OPHN1: variants seen among roughly 807,000 people sequenced by gnomAD.
OPHN1 encodes oligophrenin-1.
OPHN1 carries 11 observed loss-of-function variants against 60.7 expected under a neutral mutation model. The observed-to-expected ratio is 0.18, with a 90% CI of 0.11 to 0.30. OPHN1 has a LOEUF of 0.30. OPHN1 is among the 10% of genes least tolerant of loss of function. The pLI, the probability that OPHN1 is intolerant of heterozygous loss-of-function variation, is 1.00. For synonymous variants in OPHN1, 226 were observed against 222.6 expected, an observed-to-expected ratio of 1.02 and a Z score of -0.14; for missense variants, 449 against 611.0, an observed-to-expected ratio of 0.73 and a Z score of 2.80.
intron 2 of OPHN1, among the ~76,000 whole-genome samples, chrX:68,353,598 G>A (rs1288130546): frequency 2.7e-5 from 3 of 109,974 alleles, no homozygotes; most frequent in African/African-American, 6.6e-5. Flanking sequence ...AATAAATAAC[G>A]TGTAAAAAGT....
intron 15 of OPHN1, among the ~76,000 whole-genome samples, chrX:68,187,591 A>C (rs1218699727): frequency 9.1e-6 from 1 of 109,852 alleles, no homozygotes; most frequent in Non-Finnish European, 1.9e-5. Context: ...CCAGAACTAT[A>C]AGAGGATAAA....
intron 5 of OPHN1, among the ~76,000 whole-genome samples, chrX:68,235,837 G>A (rs1400370530): frequency 9.1e-6 from 1 of 109,785 alleles, no homozygotes. Flanking sequence ...CAGCCTAGGT[G>A]AGAGAGCAAG....
intron 15 of OPHN1, among the ~76,000 whole-genome samples, chrX:68,147,221 T>C (rs183348682): frequency 9.0e-6 from 1 of 111,508 alleles, no homozygotes; most frequent in Admixed American, 9.6e-5. Flanking sequence ...AGAAAGGATG[T>C]CATTCAAGGA....
At chrX:68,139,136 G>GA (rs772185913) in intron 15 of OPHN1, among the ~76,000 whole-genome samples, 2 of 110,546 alleles carry the variant, frequency 1.8e-5, no homozygotes, top group African/African-American at 3.3e-5. Context: ...ACAAATAAAT[G>GA]AAAAAAAAGT....
intron 2 of OPHN1, among the ~76,000 whole-genome samples, chrX:68,362,478 G>T (rs1253399058): frequency 8.9e-6 from 1 of 111,817 alleles, no homozygotes; most frequent in Admixed American, 9.6e-5. Flanking sequence ...ACAATGTCTT[G>T]TATACATGAA....
At chrX:68,220,461 T>G (rs1470899633) in intron 6 of OPHN1, among the ~76,000 whole-genome samples, 12 of 109,875 alleles carry the variant, frequency 1.1e-4, no homozygotes, top group Non-Finnish European at 2.3e-4. Flanking sequence ...TACCAAAGCC[T>G]GGCAGAGACA....
At chrX:68,072,043 G>C (rs2076936958) in intron 20 of OPHN1, among the ~76,000 whole-genome samples, 1 of 111,641 alleles carries the variant, frequency 9.0e-6, no homozygotes, top group Admixed American at 9.6e-5. Context: ...TCAATATGAA[G>C]GAAAAAGGGA....
In OPHN1 at chrX:68,046,224, C is replaced by G. The variant is rs925569623; in HGVS notation, c.*948G>C. 3.6e-5 allele frequency: 4 copies of G among 111,769 alleles called. No individual in the cohort carries two copies. The Admixed American group carries it at 3.8e-4, about 11-fold the overall frequency. 9.2% of individuals were successfully genotyped at this position (111,769 alleles called of 1,213,427 possible). A position where few individuals can be genotyped will look rare whatever the true frequency, so the allele number is the denominator to read the frequency against. On this transcript the variant is annotated 3_prime_UTR_variant, in exon 25 of 25. Transcript: ENST00000355520. ...ACACTGGGTTAAGAACTGCTTTTTT[C>G]AGGAGATAAAAGAGTTTATGTGCAG...
rs1031003416 is a variant in OPHN1 at position 68,212,299 on chromosome X, T to C, written c.598-87A>G. On this transcript the variant is annotated intron_variant, in intron 7 of 24. Coordinates refer to ENST00000355520, the MANE Select transcript of OPHN1 (RefSeq NM_002547.3). ...AACATGAACTCACCAAAAAACTCCA[T>C]GGTGTGGCTGGGTGTGGTGGCTTAT... 1.1e-5 allele frequency: 7 copies of C among 660,080 alleles called. No homozygotes were observed. In the African/African-American group the frequency reaches 1.3e-4, roughly 12 times the overall value. The allele number at this position is 660,080 out of a possible 1,213,427, so 54.4% of individuals were successfully genotyped here. A position where few individuals can be genotyped will look rare whatever the true frequency, so the allele number is the denominator to read the frequency against.
intron 2 of OPHN1, among the ~76,000 whole-genome samples, chrX:68,305,566 G>C (rs760928358): frequency 8.9e-6 from 1 of 112,426 alleles, no homozygotes; most frequent in Non-Finnish European, 1.9e-5. Flanking sequence ...GCACAAGCAG[G>C]AAGAGAAACA....
chrX:68,271,866 G>T (rs1205865497), intron 5 of OPHN1, among the ~76,000 whole-genome samples: 2 of 110,268 alleles, frequency 1.8e-5, no homozygotes, highest in African/African-American at 6.6e-5. Flanking sequence ...GAAGGAAGCT[G>T]AGGGACAGCA....
chrX:68,430,085 G>T (rs2078878445), intron 2 of OPHN1, among the ~76,000 whole-genome samples: 1 of 111,679 alleles, frequency 9.0e-6, no homozygotes, highest in African/African-American at 3.3e-5. Flanking sequence ...CCAAGATGGA[G>T]AAGCCAAGAA....
intron 6 of OPHN1, among the ~76,000 whole-genome samples, chrX:68,222,371 C>T (rs1169239257): frequency 3.7e-5 from 4 of 106,765 alleles, no homozygotes; most frequent in Admixed American, 2.0e-4. Flanking sequence ...GTCAGTGTGG[C>T]GATTCCTCAG....
At chrX:68,138,994 T>A (rs1241576305) in intron 15 of OPHN1, among the ~76,000 whole-genome samples, 1 of 112,215 alleles carries the variant, frequency 8.9e-6, no homozygotes, top group Non-Finnish European at 1.9e-5. Flanking sequence ...TGCCAAAAAA[T>A]TAAACCTACA....
intron 2 of OPHN1, among the ~76,000 whole-genome samples, chrX:68,347,651 TA>T (rs772560117): frequency 2.7e-5 from 3 of 109,692 alleles, no homozygotes; most frequent in African/African-American, 9.9e-5. Context: ...ATTTCCTGAT[TA>T]AAAAAAAATG....
intron 18 of OPHN1, among the ~76,000 whole-genome samples, chrX:68,111,163 G>A (rs2077102251): frequency 8.9e-6 from 1 of 112,316 alleles, no homozygotes; most frequent in Non-Finnish European, 1.9e-5. Flanking sequence ...GTCACAAAAT[G>A]AACTAATAGC....
chrX:68,105,575 CAT>C (rs2077077829), intron 18 of OPHN1, among the ~76,000 whole-genome samples: 1 of 99,880 alleles, frequency 1.0e-5, no homozygotes, highest in Admixed American at 1.2e-4. Context: ...CCAAACACCA[CAT>C]GTTTTCACTC....
intron 21 of OPHN1, 133 bp downstream of exon 21, chrX:68,063,721 C>T (rs2076902151): frequency 1.9e-6 from 1 of 520,663 alleles, no homozygotes. Flanking sequence ...TGTGATCTTG[C>T]CCACTGTTCC....
rs376464615 is a variant in OPHN1 at position 68,152,454 on chromosome X, CT to C, written c.1277-33123del. On this transcript the variant is annotated intron_variant, in intron 15 of 24. Transcript: ENST00000355520. Reference sequence around the variant, plus strand: ...CAGAACCTTATCCTATTTTTTTATTCTTTTTTTTTTTTGAGACAGAGTGTAG... The same window carrying C: ...CAGAACCTTATCCTATTTTTTTATTCTTTTTTTTTTTGAGACAGAGTGTAG... 5.0e-3 allele frequency among the ~76,000 whole-genome samples: 506 copies of C among 101,459 alleles called. 3 individuals carry two copies. The highest frequency in any genetic ancestry group is 0.01 in the African/African-American group (276 of 27,450). The allele number at this position is 101,459 out of a possible 115,157, so 88.1% of individuals were successfully genotyped here.
Sources: allele counts gnomAD v4.1 joint callset (sites outside exome capture counted in the v4.1 genomes callset), GRCh38; gene constraint gnomAD v4.1.1; transcripts MANE v1.5; gene names NCBI Gene and HGNC (gene_info 2026-07-23, HGNC 2026-07-21).